LPAR1: variants seen among roughly 807,000 people sequenced by gnomAD.
LPAR1 encodes the protein lysophosphatidic acid receptor 1.
LPAR1 carries 5 observed loss-of-function variants against 23.8 expected under a neutral mutation model. The ratio of observed to expected loss-of-function variants is 0.21; its 90% CI spans 0.11 to 0.44. LPAR1 has a LOEUF of 0.44. LPAR1 is among the 20% of genes least tolerant of loss of function. LPAR1 has a pLI of 0.99. For missense variants in LPAR1, 311 were observed against 482.8 expected (o/e 0.64, Z 3.33); for synonymous variants, 160 against 164.7 (o/e 0.97, Z 0.22).
chr9:110,983,450 A>G (rs72750194), intron 2 of LPAR1, among the ~76,000 whole-genome samples: 1 of 152,194 alleles, frequency 6.6e-6, no homozygotes, highest in South Asian at 2.1e-4. Context: ...CTAATAGTCA[A>G]ATTAATAGAG....
chr9:111,009,002 T>C lies in LPAR1; in HGVS notation c.-182+27120A>G, dbSNP rs188235375. Reference sequence around the variant, plus strand: ...AGAAACAAGTCAACATTTACAAGAGTCATCAAAAAGAACAAACAGTCGAAG... The same window carrying C: ...AGAAACAAGTCAACATTTACAAGAGCCATCAAAAAGAACAAACAGTCGAAG... On this transcript the variant is annotated intron_variant, in intron 2 of 5. Coordinates refer to ENST00000683809, the MANE Select transcript of LPAR1 (RefSeq NM_001351411.2). 4.4e-3 allele frequency among the ~76,000 whole-genome samples: 673 copies of C among 151,404 alleles called. 7 individuals are homozygous for C. The highest frequency in any genetic ancestry group is 0.017 in the Middle Eastern group (5 of 294).
At chr9:111,037,123 C>G (rs1178992361) in intron 1 of LPAR1, among the ~76,000 whole-genome samples, 1 of 152,192 alleles carries the variant, frequency 6.6e-6, no homozygotes, top group African/African-American at 2.4e-5. Context: ...ACCAATTATG[C>G]TTAGCTGAGC....
intron 2 of LPAR1, among the ~76,000 whole-genome samples, chr9:111,034,781 T>C (rs1169268782): frequency 1.3e-5 from 2 of 152,180 alleles, no homozygotes; most frequent in Non-Finnish European, 2.9e-5. Context: ...ACTTCCTCCT[T>C]GCCTCCCTAT....
chr9:110,903,253 T>A (rs2089943558), intron 5 of LPAR1: 3 of 152,106 alleles, frequency 2.0e-5, no homozygotes, highest in Non-Finnish European at 4.4e-5. Flanking sequence ...AATGGTGTAA[T>A]GAGTAACTGT....
chr9:111,035,165 G>A (rs2141773229), intron 2 of LPAR1, among the ~76,000 whole-genome samples: 1 of 152,144 alleles, frequency 6.6e-6, no homozygotes, highest in South Asian at 2.1e-4. Flanking sequence ...ATAATTGTTT[G>A]CTGAAATAGA....
chr9:110,937,252 G>T (rs1435361229), intron 5 of LPAR1, among the ~76,000 whole-genome samples: 1 of 152,224 alleles, frequency 6.6e-6, no homozygotes, highest in East Asian at 1.9e-4. Flanking sequence ...AAACAAATGA[G>T]ATCACAGTGT....
chr9:110,947,903 A>G (rs1041123601), intron 4 of LPAR1, among the ~76,000 whole-genome samples: 1 of 123,880 alleles, frequency 8.1e-6, no homozygotes, highest in Non-Finnish European at 1.7e-5. Context: ...ATGCTGATAA[A>G]GAACTAGTAA....
chr9:110,913,961 A>T (rs1393526245), intron 5 of LPAR1, among the ~76,000 whole-genome samples: 2 of 152,212 alleles, frequency 1.3e-5, no homozygotes, highest in Non-Finnish European at 2.9e-5. Flanking sequence ...GACACGTCCA[A>T]GCTTGACAAG....
At chr9:110,993,436 G>C (rs909176713) in intron 2 of LPAR1, among the ~76,000 whole-genome samples, 1 of 152,050 alleles carries the variant, frequency 6.6e-6, no homozygotes, top group African/African-American at 2.4e-5. Flanking sequence ...TGTTTATTGT[G>C]TAGAATGTTC....
intron 5 of LPAR1, among the ~76,000 whole-genome samples, chr9:110,879,225 T>C (rs2079999745): frequency 6.6e-6 from 1 of 151,928 alleles, no homozygotes; most frequent in Admixed American, 6.6e-5. Context: ...GAGACCAGCC[T>C]GGCCAACAAC....
At chr9:110,959,362 T>C (rs1379372336) in intron 4 of LPAR1, among the ~76,000 whole-genome samples, 1 of 151,866 alleles carries the variant, frequency 6.6e-6, no homozygotes, top group East Asian at 1.9e-4. Flanking sequence ...GAGGGCATCA[T>C]TTCAGCACTT....
intron 2 of LPAR1, among the ~76,000 whole-genome samples, chr9:110,974,925 T>C (rs1421125453): frequency 1.3e-5 from 2 of 152,212 alleles, no homozygotes; most frequent in African/African-American, 4.8e-5. Flanking sequence ...ACTCCTACTT[T>C]CATTTTTCCT....
At chr9:110,953,002 G>A (rs1221818456) in intron 4 of LPAR1, among the ~76,000 whole-genome samples, 4 of 152,138 alleles carry the variant, frequency 2.6e-5, no homozygotes, top group South Asian at 4.1e-4. Context: ...GCACACAGAC[G>A]TATGTGCCAA....
chr9:110,976,317 C>A (rs1338293121), intron 2 of LPAR1, among the ~76,000 whole-genome samples: 1 of 147,310 alleles, frequency 6.8e-6, no homozygotes, highest in Non-Finnish European at 1.5e-5. Context: ...ATGGTGAAAC[C>A]CCGTGTCTAC....
intron 2 of LPAR1, among the ~76,000 whole-genome samples, chr9:111,007,157 C>T (rs959931747): frequency 6.6e-5 from 10 of 152,068 alleles, no homozygotes; most frequent in Non-Finnish European, 8.8e-5. Flanking sequence ...TTTGTGAGGC[C>T]TCCCCAGAAG....
At chr9:111,035,575 C>G (rs1469559548) in intron 2 of LPAR1, among the ~76,000 whole-genome samples, 1 of 152,118 alleles carries the variant, frequency 6.6e-6, no homozygotes, top group Non-Finnish European at 1.5e-5. Flanking sequence ...AGAAACCAAA[C>G]AGTAGTATGA....
At chr9:111,028,618 C>CTTTTT (rs57371925) in intron 2 of LPAR1, among the ~76,000 whole-genome samples, 1 of 145,976 alleles carries the variant, frequency 6.9e-6, no homozygotes. Flanking sequence ...TAGAAAAAGA[C>CTTTTT]TTTTTTTTTT....
intron 5 of LPAR1, among the ~76,000 whole-genome samples, chr9:110,923,920 A>G (rs2093816224): frequency 2.0e-5 from 3 of 152,242 alleles, no homozygotes; most frequent in African/African-American, 7.2e-5. Context: ...AAAGTACTTC[A>G]AAGGAGTACA....
intron 5 of LPAR1, among the ~76,000 whole-genome samples, chr9:110,901,298 A>T (rs1441965952): frequency 6.6e-6 from 1 of 152,198 alleles, no homozygotes; most frequent in Non-Finnish European, 1.5e-5. Context: ...AGAGTAGCAA[A>T]ACTGAAGGTG....
Sources: allele counts gnomAD v4.1 joint callset (sites outside exome capture counted in the v4.1 genomes callset), GRCh38; gene constraint gnomAD v4.1.1; transcripts MANE v1.5; gene names NCBI Gene and HGNC (gene_info 2026-07-23, HGNC 2026-07-21).